The following STK32B variants were observed in gnomAD, a reference collection of about 807,000 sequenced individuals.
STK32B encodes the protein serine/threonine kinase 32B.
Under a neutral mutation model 52.6 loss-of-function variants are expected in STK32B, and 43 were observed. The ratio of observed to expected loss-of-function variants is 0.82; its 90% CI spans 0.64 to 1.05. The LOEUF is 1.05. STK32B is among the 50% of genes least tolerant of loss of function. The pLI, the probability that STK32B is intolerant of heterozygous loss-of-function variation, is 0.00. For synonymous variants in STK32B, 238 were observed against 204.3 expected (o/e 1.17, Z -1.41); for missense variants, 621 against 534.6 (o/e 1.16, Z -1.59).
At chr4:5,414,485 A>G (rs935444613) in intron 5 of STK32B, among the ~76,000 whole-genome samples, 1 of 152,180 alleles carries the variant, frequency 6.6e-6, no homozygotes, top group Non-Finnish European at 1.5e-5. Context: ...AAAAAATTGG[A>G]CTTAGAATGG....
chr4:5,101,957 T>C (rs1029694450), intron 1 of STK32B, among the ~76,000 whole-genome samples: 9 of 152,222 alleles, frequency 5.9e-5, no homozygotes, highest in African/African-American at 2.2e-4. Context: ...CTGGTTTGCC[T>C]AGGACCATCC....
At position 5,499,939 on chromosome 4, in the gene STK32B, T is replaced by G. The variant is rs1432015841; in HGVS notation, c.*856T>G. The G allele has an allele frequency of 6.6e-6, 1 of 152,054 alleles. No homozygotes were observed. Among genetic ancestry groups the G allele is most frequent in the Non-Finnish European group, 1.5e-5 (1 of 68,050 alleles). The allele number at this position is 152,054 out of a possible 1,614,324, so 9.4% of individuals were successfully genotyped here. ...TCCAACTCTCTATCAGCTTTCAGGG[T>G]TTTCTCTCCTGGGAAGGGTGTAAAA... On this transcript the variant is annotated 3_prime_UTR_variant, in exon 12 of 12. Transcript: ENST00000282908.
At chr4:5,440,419 G>T (rs1392588855) in intron 6 of STK32B, among the ~76,000 whole-genome samples, 1 of 152,150 alleles carries the variant, frequency 6.6e-6, no homozygotes, top group Non-Finnish European at 1.5e-5. Context: ...TGTTGTTGGT[G>T]TGTAAGAATG....
chr4:5,337,494 G>A (rs1050117303), intron 4 of STK32B, among the ~76,000 whole-genome samples: 2 of 152,146 alleles, frequency 1.3e-5, no homozygotes, highest in African/African-American at 2.4e-5. Flanking sequence ...TGGAACTCCA[G>A]CAAAGCAGAT....
chr4:5,366,123 A>G (rs554686528), intron 4 of STK32B, among the ~76,000 whole-genome samples: 60 of 152,232 alleles, frequency 3.9e-4, no homozygotes, highest in African/African-American at 1.3e-3. Flanking sequence ...TGGTGAGCCA[A>G]GGGCCCTTGA....
intron 3 of STK32B, among the ~76,000 whole-genome samples, chr4:5,200,164 G>GAT (rs1722019099): frequency 6.6e-6 from 1 of 151,738 alleles, no homozygotes; most frequent in Admixed American, 6.6e-5. Context: ...GTGTGTTATT[G>GAT]AATCAAGCAA....
At chr4:5,150,700 TACTCTTGGAG>T (rs1156564064) in intron 2 of STK32B, among the ~76,000 whole-genome samples, 79 of 152,264 alleles carry the variant, frequency 5.2e-4, no homozygotes, top group African/African-American at 1.7e-3. Flanking sequence ...TCCTCTTGGA[TACTCTTGGAG>T]TTCTCCTCTT....
At chr4:5,177,490 C>T (rs1016815681) in intron 3 of STK32B, among the ~76,000 whole-genome samples, 2 of 152,138 alleles carry the variant, frequency 1.3e-5, no homozygotes, top group African/African-American at 2.4e-5. Context: ...CCCCTGGTCC[C>T]TCCCAGATCT....
chr4:5,427,923 C>T (rs195127), intron 6 of STK32B, among the ~76,000 whole-genome samples: 91,578 of 150,544 alleles, frequency 0.61, 28,641 homozygotes, highest in East Asian at 0.97. Context: ...CTCTTATGCC[C>T]TCCTTCTCTC....
intron 3 of STK32B, among the ~76,000 whole-genome samples, chr4:5,277,425 G>C (rs543625813): frequency 1.5e-3 from 233 of 151,998 alleles, no homozygotes; most frequent in Non-Finnish European, 2.9e-3. Flanking sequence ...AGAAGTGTTA[G>C]AGCATGATAG....
chr4:5,213,940 C>T (rs1723043785), intron 3 of STK32B, among the ~76,000 whole-genome samples: 1 of 152,126 alleles, frequency 6.6e-6, no homozygotes, highest in Non-Finnish European at 1.5e-5. Flanking sequence ...ATCTTGAGGT[C>T]GCAGTGATAT....
Position 5,180,121 on chromosome 4 carries a change from G to A in STK32B, c.260+11671G>A, listed in dbSNP as rs116303580. Among the ~76,000 whole-genome samples the A allele has an allele frequency of 2.5e-3, 380 of 152,310 alleles. 2 individuals carry two copies. The highest frequency in any genetic ancestry group is 9.0e-3 in the African/African-American group (373 of 41,570). The stretch of plus-strand genomic sequence containing the variant: ...CTGTGTGGCCCCAGGACTGGTGCCT[G>A]CTGCCCACATGCCATGTCCTTGTCC... On this transcript the variant is annotated intron_variant, in intron 3 of 11. Coordinates refer to ENST00000282908, the MANE Select transcript of STK32B (RefSeq NM_018401.3).
intron 5 of STK32B, among the ~76,000 whole-genome samples, chr4:5,410,712 A>G (rs1711589105): frequency 6.6e-6 from 1 of 152,166 alleles, no homozygotes; most frequent in African/African-American, 2.4e-5. Flanking sequence ...GTTAAAATGG[A>G]ATGTTGTCAA....
intron 6 of STK32B, among the ~76,000 whole-genome samples, chr4:5,432,659 A>G (rs1316033107): frequency 1.3e-5 from 2 of 152,208 alleles, no homozygotes; most frequent in African/African-American, 2.4e-5. Context: ...AATGGGTGTA[A>G]TAAGAATAGT....
chr4:5,400,742 C>A lies in STK32B; in HGVS notation c.472+2498C>A, dbSNP rs115228026. On this transcript the variant is annotated intron_variant, in intron 5 of 11. Coordinates refer to ENST00000282908, the MANE Select transcript of STK32B (RefSeq NM_018401.3). This position sits in a 1 kb window ranked among gnomAD's most constrained non-coding sequence, Gnocchi z 6.1. ...CCATGGCCCTCCTTTACCTGCTCTTCTGAGGGGAGCTGATCGGCTTTTTGA... is the reference window on the plus strand; with the variant it reads ...CCATGGCCCTCCTTTACCTGCTCTTATGAGGGGAGCTGATCGGCTTTTTGA... Among the ~76,000 whole-genome samples, 874 of 152,292 alleles carry A rather than the reference C, an allele frequency of 5.7e-3. 8 individuals carry two copies. Among genetic ancestry groups the A allele is most frequent in the African/African-American group, 0.019 (769 of 41,562 alleles).
In STK32B at chr4:5,211,071, A is replaced by G. The variant is rs113437158; in HGVS notation, c.260+42621A>G. Among the ~76,000 whole-genome samples the G allele has an allele frequency of 2.8e-3, 426 of 152,272 alleles. 1 individual carries two copies. The highest frequency in any genetic ancestry group is 0.024 in the Middle Eastern group (7 of 294). On this transcript the variant is annotated intron_variant, in intron 3 of 11. Coordinates refer to ENST00000282908, the MANE Select transcript of STK32B (RefSeq NM_018401.3). ...TAGCCTCCTAAAGTGCTGGGATTAC[A>G]GGTGTGAGCTACCATGCCCTACCAG...
chr4:5,174,511 T>G (rs1056156631), intron 3 of STK32B, among the ~76,000 whole-genome samples: 2 of 152,244 alleles, frequency 1.3e-5, no homozygotes, highest in Admixed American at 1.3e-4. Context: ...TGACAAAATC[T>G]CTCAGCATTT....
intron 3 of STK32B, among the ~76,000 whole-genome samples, chr4:5,217,609 A>G (rs1226213429): frequency 1.3e-5 from 2 of 152,240 alleles, no homozygotes; most frequent in Non-Finnish European, 2.9e-5. Flanking sequence ...GGGCAGAACA[A>G]ATATCATAGT....
chr4:5,176,915 A>C (rs1005268743), intron 3 of STK32B, among the ~76,000 whole-genome samples: 18 of 152,308 alleles, frequency 1.2e-4, no homozygotes, highest in Admixed American at 1.0e-3. Context: ...GGGTGAGCCT[A>C]CTGCTTGACT....
Sources: gnomAD v4.1 joint callset for allele counts (sites outside exome capture counted in the v4.1 genomes callset) on GRCh38, gnomAD v4.1.1 for gene constraint, Gnocchi (gnomAD v3.1) non-coding constraint, MANE v1.5 for transcripts, NCBI Gene and HGNC (gene_info 2026-07-23, HGNC 2026-07-21) for gene names.